POMP: variants seen among roughly 807,000 people sequenced by gnomAD.
The protein encoded by POMP is proteasome maturation protein, also known as 2510048O06Rik.
A neutral mutation model predicts 20.6 loss-of-function variants in POMP; 12 were observed. The observed-to-expected ratio is 0.58, with a 90% confidence interval of 0.37 to 0.94. The LOEUF (loss-of-function observed/expected upper bound fraction) is 0.94. POMP is among the 40% of genes least tolerant of loss of function. The probability of loss-of-function intolerance (pLI) is 0.01; values close to 1 mark genes in which losing one functional copy is unlikely to be tolerated. For synonymous variants in POMP, 53 were observed against 55.0 expected (o/e 0.96, Z 0.16); for missense variants, 136 against 161.1 (o/e 0.84, Z 0.84).
chr13:28,664,523 A>G lies in POMP; in HGVS notation c.116A>G (p.Lys39Arg), dbSNP rs1180828237. ...TGTCCTTTCAGTTTTTCTTGTGTGA[A>G]AAATGAACTTTTGCCTAGTCATCCC... The part of the protein sequence containing the change: ...DLLRKGFSCV[K>R]NELLPSHPLE... Residue 39 changes from lysine (K) to arginine (R), a missense_variant, in exon 3 of 6, where the codon AAA becomes AGA. By Grantham distance (26) the Lys-to-Arg change is conservative. Transcript: ENST00000380842. The G allele has an allele frequency of 3.8e-6, 6 of 1,583,574 alleles. No homozygotes were observed. In the African/African-American group the frequency reaches 4.0e-5, roughly 11 times the overall value.
At chr13:28,669,424 G>C (rs148976276) in intron 4 of POMP, among the ~76,000 whole-genome samples, 3 of 152,036 alleles carry the variant, frequency 2.0e-5, no homozygotes, top group Non-Finnish European at 2.9e-5. Context: ...CATCCAGGCT[G>C]GAGTGCAGTG....
intron 5 of POMP, among the ~76,000 whole-genome samples, chr13:28,676,812 C>A (rs1226925969): frequency 6.6e-6 from 1 of 152,136 alleles, no homozygotes; most frequent in Non-Finnish European, 1.5e-5. Flanking sequence ...GTACTCTAAT[C>A]CCCTAACTGG....
At chr13:28,675,201 C>T (rs752077291) in intron 5 of POMP, among the ~76,000 whole-genome samples, 17 of 151,268 alleles carry the variant, frequency 1.1e-4, no homozygotes, top group Non-Finnish European at 1.9e-4. Flanking sequence ...AGTGCAGTGG[C>T]GCGATCTCGG....
intron 5 of POMP, 129 bp downstream of exon 5, chr13:28,672,561 T>A: frequency 2.6e-6 from 2 of 755,586 alleles, no homozygotes; most frequent in Non-Finnish European, 4.8e-6. Context: ...TTCATTGCAT[T>A]AAGATAAAGT....
chr13:28,664,490 T>C lies in POMP; in HGVS notation c.102-19T>C. On this transcript the variant is annotated intron_variant, in intron 2 of 5. Coordinates refer to ENST00000380842, the MANE Select transcript of POMP (RefSeq NM_015932.6). Reference sequence around the variant, plus strand: ...ATATTTAATCTCCTCTAAATGTTTTTTTTTTAATGTCCTTTCAGTTTTTCT... The same window carrying C: ...ATATTTAATCTCCTCTAAATGTTTTCTTTTTAATGTCCTTTCAGTTTTTCT... 2 of 1,531,042 alleles carry C rather than the reference T, an allele frequency of 1.3e-6. No homozygotes were observed. The highest frequency in any genetic ancestry group is 1.8e-6 in the Non-Finnish European group (2 of 1,107,916). The allele number at this position is 1,531,042 out of a possible 1,614,324, so 94.8% of individuals were successfully genotyped here.
intron 4 of POMP, among the ~76,000 whole-genome samples, chr13:28,671,646 T>C (rs1045226025): frequency 2.6e-5 from 4 of 151,904 alleles, no homozygotes; most frequent in African/African-American, 9.7e-5. Context: ...TTTTTTTTTT[T>C]AGGTTTGACA....
chr13:28,668,721 A>G, intron 4 of POMP, 147 bp downstream of exon 4: 1 of 678,328 alleles, frequency 1.5e-6, no homozygotes. Flanking sequence ...TTTCTACTTC[A>G]TAGAGGGAAA....
chr13:28,662,135 T>C (rs1271419640), intron 1 of POMP, among the ~76,000 whole-genome samples: 1 of 152,198 alleles, frequency 6.6e-6, no homozygotes, highest in Non-Finnish European at 1.5e-5. Context: ...TTCTTGCCTT[T>C]ATTCATGTTA....
intron 3 of POMP, among the ~76,000 whole-genome samples, chr13:28,666,844 CT>C (rs1884457126): frequency 1.3e-5 from 2 of 152,130 alleles, no homozygotes; most frequent in South Asian, 4.1e-4. Flanking sequence ...CTCCTGCCCC[CT>C]ACAAGGGAAC....
At chr13:28,676,038 T>C (rs755458433) in intron 5 of POMP, among the ~76,000 whole-genome samples, 8 of 152,080 alleles carry the variant, frequency 5.3e-5, no homozygotes, top group Non-Finnish European at 8.8e-5. Flanking sequence ...TTTTTCTCTC[T>C]CTGTCACCCA....
chr13:28,668,268 T>G (rs1190342864), intron 3 of POMP, among the ~76,000 whole-genome samples: 1 of 152,196 alleles, frequency 6.6e-6, no homozygotes, highest in Non-Finnish European at 1.5e-5. Context: ...TTTACTCTGG[T>G]AAAAGTACAC....
At chr13:28,660,150 G>C (rs79181660) in intron 1 of POMP, among the ~76,000 whole-genome samples, 1 of 152,164 alleles carries the variant, frequency 6.6e-6, no homozygotes, top group Non-Finnish European at 1.5e-5. Context: ...CAATAAAGCA[G>C]TCCAGAAGGA....
chr13:28,663,794 T>C, intron 2 of POMP, among the ~76,000 whole-genome samples: 1 of 151,812 alleles, frequency 6.6e-6, no homozygotes, highest in East Asian at 1.9e-4. Flanking sequence ...GTCTGAAGAT[T>C]TTTTTCCCCC....
At chr13:28,668,165 T>C (rs1884479606) in intron 3 of POMP, among the ~76,000 whole-genome samples, 1 of 151,606 alleles carries the variant, frequency 6.6e-6, no homozygotes. Context: ...GTACTTTTAA[T>C]CAAAAGCGCT....
intron 3 of POMP, among the ~76,000 whole-genome samples, chr13:28,666,012 G>T (rs1371856638): frequency 1.3e-5 from 2 of 152,128 alleles, no homozygotes; most frequent in Non-Finnish European, 2.9e-5. Context: ...AGGACTTGTG[G>T]GCAACCAAAG....
At position 28,678,252 on chromosome 13, in the gene POMP, G is replaced by C; in HGVS notation, c.*150G>C. 2.7e-6 allele frequency: 2 copies of C among 745,694 alleles called. No individual in the cohort carries two copies. Among genetic ancestry groups the C allele is most frequent in the South Asian group, 3.0e-5 (2 of 67,394 alleles). The allele number at this position is 745,694 out of a possible 1,614,324, so 46.2% of individuals were successfully genotyped here. A position where few individuals can be genotyped will look rare whatever the true frequency, so the allele number is the denominator to read the frequency against. On this transcript the variant is annotated 3_prime_UTR_variant, in exon 6 of 6. Coordinates refer to ENST00000380842, the MANE Select transcript of POMP (RefSeq NM_015932.6). ...TCATTTAAAATTTGGAGGGGTCTTT[G>C]GTTTACAGCCATGTGACAATTAAAA... is the stretch of plus-strand genomic sequence containing the variant.
chr13:28,659,351 TG>T (rs1884292391), intron 1 of POMP, among the ~76,000 whole-genome samples, 164 bp downstream of exon 1: 1 of 151,956 alleles, frequency 6.6e-6, no homozygotes, highest in Admixed American at 6.5e-5. Context: ...GGGGTTTGGG[TG>T]GGTCGTGACT....
intron 5 of POMP, among the ~76,000 whole-genome samples, chr13:28,674,435 A>G (rs537536703): frequency 1.3e-5 from 2 of 152,368 alleles, no homozygotes; most frequent in African/African-American, 4.8e-5. Flanking sequence ...TATGAGGCTG[A>G]AACGGCTTTG....
rs748063227 is a variant in POMP, at chr13:28,672,331, C to A, written c.265-8C>A. 2.5e-6 allele frequency: 4 copies of A among 1,588,692 alleles called. No homozygotes were observed. Among genetic ancestry groups the A allele is most frequent in the Non-Finnish European group, 3.5e-6 (4 of 1,157,050 alleles). ...TCTAATCTTGTCCCTTCATACTTTT[C>A]CCCAAAGGTTCAGCGTCTTCCATTT... On this transcript the variant is annotated splice_polypyrimidine_tract_variant and splice_region_variant and intron_variant, in intron 4 of 5. Transcript: ENST00000380842.
Sources: gnomAD v4.1 joint callset for allele counts (sites outside exome capture counted in the v4.1 genomes callset) on GRCh38, gnomAD v4.1.1 for gene constraint, MANE v1.5 for transcripts, NCBI Gene and HGNC (gene_info 2026-07-23, HGNC 2026-07-21) for gene names.